Variants in SPATA13 observed in about 807,000 individuals in gnomAD.
SPATA13 encodes the protein spermatogenesis associated 13.
In SPATA13, 50 loss-of-function variants were observed where a neutral mutation model predicts 104.0. The ratio of observed to expected loss-of-function variants is 0.48; its 90% CI spans 0.38 to 0.61. SPATA13 has a LOEUF of 0.61. SPATA13 is among the 20% of genes least tolerant of loss of function. The probability of loss-of-function intolerance (pLI) is 0.00; values close to 1 mark genes in which losing one functional copy is unlikely to be tolerated. For synonymous variants in SPATA13, 606 were observed against 667.5 expected (o/e 0.91, Z 1.42); for missense variants, 1,524 against 1,690.6 (o/e 0.90, Z 1.73).
chr13:24,126,461 C>T (rs192866910), intron 3 of SPATA13, among the ~76,000 whole-genome samples: 19 of 152,246 alleles, frequency 1.2e-4, no homozygotes, highest in Admixed American at 9.8e-4. Context: ...TTAAAACCCA[C>T]GACAATTGTG....
In SPATA13 at chr13:23,987,651, A is replaced by G. The variant is rs549733761; in HGVS notation, c.-147+3718A>G. On this transcript the variant is annotated intron_variant, in intron 2 of 14. Coordinates refer to the SPATA13 transcript ENST00000424834. ...CCGGATTTGAAAAGTTTGGTGTTTT[A>G]TTTACCATTTTTAAGTGTGCAGTTC... Among the ~76,000 whole-genome samples, 14 of 152,250 alleles carry G rather than the reference A, an allele frequency of 9.2e-5. 1 individual carries two copies. Among genetic ancestry groups the G allele is most frequent in the Middle Eastern group, 3.4e-3 (1 of 294 alleles).
chr13:24,262,268 T>C (rs1017456070), intron 4 of SPATA13, among the ~76,000 whole-genome samples: 3 of 151,980 alleles, frequency 2.0e-5, no homozygotes, highest in Non-Finnish European at 4.4e-5. Context: ...TTATTCAAAT[T>C]CTTTGTATTT....
chr13:24,152,702 C>T lies in SPATA13; in HGVS notation c.-111-70117C>T, dbSNP rs555383010. ...TCTCTCTCTGTCACTCACCATCACC[C>T]GTTCTTCAAATATGAGCTGCTCATT... On this transcript the variant is annotated intron_variant, in intron 3 of 14. Transcript: ENST00000424834. 3.9e-5 allele frequency among the ~76,000 whole-genome samples: 6 copies of T among 152,300 alleles called. No individual in the cohort carries two copies. In the South Asian group the frequency reaches 1.2e-3, roughly 32 times the overall value.
chr13:24,078,154 C>A (rs1382457432), intron 3 of SPATA13, among the ~76,000 whole-genome samples: 4 of 152,176 alleles, frequency 2.6e-5, no homozygotes, highest in Admixed American at 2.6e-4. Flanking sequence ...GCCCCCACAG[C>A]AGTGCCAGCC....
chr13:24,147,776 CT>C (rs11333086), intron 3 of SPATA13, among the ~76,000 whole-genome samples: 71,722 of 151,928 alleles, frequency 0.47, 17,946 homozygotes, highest in Admixed American at 0.59. Context: ...CCCCTAGCCC[CT>C]GGCAGACACC....
chr13:24,270,975 C>A, intron 4 of SPATA13: 5 of 1,250,524 alleles, frequency 4.0e-6, no homozygotes, highest in East Asian at 2.3e-5. Context: ...CTTTCCTTCC[C>A]AAGTTGCAGT....
Position 24,082,535 on chromosome 13 carries a change from C to A in SPATA13, c.-112+64834C>A, listed in dbSNP as rs140918016. 7.8e-3 allele frequency among the ~76,000 whole-genome samples: 1,182 copies of A among 152,244 alleles called. 16 individuals are homozygous for A. Among genetic ancestry groups the A allele is most frequent in the African/African-American group, 0.027 (1,135 of 41,542 alleles). ...ACTACAGCCAAAATAAAAATAAGAT[C>A]TTTGGCCGGGCGCGGTGGCTCACGC... On this transcript the variant is annotated intron_variant, in intron 3 of 14. Coordinates refer to the SPATA13 transcript ENST00000424834.
intron 2 of SPATA13, among the ~76,000 whole-genome samples, chr13:23,997,083 G>A (rs2765163): frequency 0.77 from 117,860 of 152,200 alleles, 45,859 homozygotes; most frequent in African/African-American, 0.81. Context: ...TCTTGTAAGG[G>A]TCAGTCACGA....
chr13:24,262,381 A>T (rs1874101646), intron 4 of SPATA13, among the ~76,000 whole-genome samples: 1 of 150,612 alleles, frequency 6.6e-6, no homozygotes, highest in African/African-American at 2.4e-5. Context: ...AAATTTATGC[A>T]CTGATAGTTT....
chr13:24,126,449 C>G (rs147759789), intron 3 of SPATA13, among the ~76,000 whole-genome samples: 1 of 152,156 alleles, frequency 6.6e-6, no homozygotes, highest in African/African-American at 2.4e-5. Flanking sequence ...CCTTCATGTC[C>G]CTTAAAACCC....
intron 3 of SPATA13, among the ~76,000 whole-genome samples, chr13:24,054,695 A>G (rs535425570): frequency 6.6e-6 from 1 of 152,384 alleles, no homozygotes; most frequent in Admixed American, 6.5e-5. Context: ...CCGTTAATTT[A>G]TGATGGTTCT....
At chr13:24,177,599 A>G (rs1251146210) in intron 1 of SPATA13, among the ~76,000 whole-genome samples, 1 of 152,100 alleles carries the variant, frequency 6.6e-6, no homozygotes, top group Non-Finnish European at 1.5e-5. Context: ...AGCTGGGACT[A>G]CAGTTGCATG....
intron 1 of SPATA13, 128 bp from the exon 2 acceptor site, chr13:24,222,691 C>T (rs1871658352): frequency 1.4e-6 from 1 of 717,604 alleles, no homozygotes; most frequent in Non-Finnish European, 2.2e-6. Context: ...GGGAAATGTA[C>T]AGTTTTAATT....
At chr13:24,233,523 A>G (rs959984705) in intron 2 of SPATA13, among the ~76,000 whole-genome samples, 1 of 152,160 alleles carries the variant, frequency 6.6e-6, no homozygotes, top group Admixed American at 6.5e-5. Context: ...AAATGTGAAA[A>G]AGGATCTATT....
At chr13:24,204,444 G>A (rs963754990) in intron 1 of SPATA13, among the ~76,000 whole-genome samples, 1 of 151,988 alleles carries the variant, frequency 6.6e-6, no homozygotes, top group African/African-American at 2.4e-5. Flanking sequence ...TAGGTATAAC[G>A]TAACATTGAT....
chr13:24,086,881 G>A (rs567250517), intron 3 of SPATA13, among the ~76,000 whole-genome samples: 2 of 152,270 alleles, frequency 1.3e-5, no homozygotes, highest in South Asian at 2.1e-4. Context: ...GTGGAGCAGC[G>A]AGGTCAGAGG....
chr13:24,090,803 G>T (rs965150588), intron 3 of SPATA13, among the ~76,000 whole-genome samples: 2 of 152,114 alleles, frequency 1.3e-5, no homozygotes, highest in Non-Finnish European at 2.9e-5. Context: ...AGTTTCTATT[G>T]ACTGCTTTAT....
chr13:24,124,138 C>A (rs964323484), intron 3 of SPATA13, among the ~76,000 whole-genome samples: 1 of 152,166 alleles, frequency 6.6e-6, no homozygotes, highest in Non-Finnish European at 1.5e-5. Context: ...CAGCAACATA[C>A]AAATTCACCA....
At chr13:24,013,950 G>C (rs1876594226) in intron 2 of SPATA13, among the ~76,000 whole-genome samples, 1 of 152,256 alleles carries the variant, frequency 6.6e-6, no homozygotes, top group Admixed American at 6.5e-5. Context: ...AAGCTGTTGT[G>C]CTGTACTGAC....
Sources: allele counts gnomAD v4.1 joint callset (sites outside exome capture counted in the v4.1 genomes callset), GRCh38; gene constraint gnomAD v4.1.1; transcripts MANE v1.5; gene names NCBI Gene and HGNC (gene_info 2026-07-23, HGNC 2026-07-21).